ZDHHC17: variants seen among roughly 807,000 people sequenced by gnomAD.
ZDHHC17 encodes the protein zDHHC palmitoyltransferase 17, also known as palmitoyltransferase ZDHHC17.
A neutral mutation model predicts 90.3 loss-of-function variants in ZDHHC17; 40 were observed. That is an observed-to-expected ratio of 0.44 (90% CI 0.34 to 0.58). The LOEUF is 0.58. Among genes scored for constraint, ZDHHC17 ranks in the 20% least tolerant of loss-of-function variants. ZDHHC17 has a pLI of 0.01. For synonymous variants in ZDHHC17, 235 were observed against 252.4 expected, an observed-to-expected ratio of 0.93 and a Z score of 0.65; for missense variants, 614 against 780.8, an observed-to-expected ratio of 0.79 and a Z score of 2.55.
At chr12:76,842,133 G>T (rs1953442909) in intron 11 of ZDHHC17, 27 bp downstream of exon 11, 6 of 1,526,622 alleles carry the variant, frequency 3.9e-6, no homozygotes, top group Non-Finnish European at 4.4e-6. Flanking sequence ...TAAGTCACTT[G>T]TATTTAACTG....
chr12:76,849,078 G>T (rs1256931764), intron 15 of ZDHHC17, among the ~76,000 whole-genome samples: 3 of 126,910 alleles, frequency 2.4e-5, no homozygotes, highest in Non-Finnish European at 4.8e-5. Context: ...GAGCCCAGGA[G>T]TTTGAGATCA....
chr12:76,845,975 TAC>T (rs2137806556), intron 13 of ZDHHC17, among the ~76,000 whole-genome samples, 173 bp downstream of exon 13: 1 of 152,288 alleles, frequency 6.6e-6, no homozygotes, highest in African/African-American at 2.4e-5. Flanking sequence ...GGAAAAAAAT[TAC>T]AAAATTAGTG....
intron 1 of ZDHHC17, among the ~76,000 whole-genome samples, chr12:76,776,417 A>G (rs1019838766): frequency 6.6e-6 from 1 of 152,192 alleles, no homozygotes; most frequent in South Asian, 2.1e-4. Context: ...GGTAAATACT[A>G]CTTTAAAGTA....
intron 1 of ZDHHC17, among the ~76,000 whole-genome samples, chr12:76,782,499 A>G (rs1486981737): frequency 6.6e-6 from 1 of 152,158 alleles, no homozygotes; most frequent in East Asian, 1.9e-4. Flanking sequence ...AGTCAAGAGC[A>G]TTTCCTTTGG....
intron 1 of ZDHHC17, among the ~76,000 whole-genome samples, chr12:76,782,065 G>C (rs1303851315): frequency 6.6e-6 from 1 of 152,130 alleles, no homozygotes; most frequent in Non-Finnish European, 1.5e-5. Context: ...GCCATGATTT[G>C]TTCTGGAACT....
chr12:76,764,323 C>T lies in ZDHHC17; in HGVS notation c.87C>T (p.His29=), dbSNP rs754913402. ...AAGCGGGCTGTGTGCCCCTTCTCCA[C>T]CCAGAGGTGAGGAACCGTGCTGAGT... The part of the protein sequence containing the change: ...DTEAGCVPLL[H]PEEIKPQSHY... The change falls in exon 1 of 17, where the codon CAC becomes CAT. Residue 29 remains histidine, a synonymous_variant. Coordinates refer to ENST00000426126, the MANE Select transcript of ZDHHC17 (RefSeq NM_015336.4). 3.8e-6 allele frequency: 6 copies of T among 1,598,438 alleles called. No individual in the cohort carries two copies. The South Asian group carries it at 4.5e-5, about 12-fold the overall frequency.
At chr12:76,824,214 A>T (rs1459437768) in intron 8 of ZDHHC17, among the ~76,000 whole-genome samples, 8 of 152,172 alleles carry the variant, frequency 5.3e-5, no homozygotes, top group African/African-American at 9.6e-5. Flanking sequence ...ATGATTTTTT[A>T]AAAAGAACTT....
chr12:76,792,952 A>T (rs150441492), intron 1 of ZDHHC17, among the ~76,000 whole-genome samples: 1 of 152,328 alleles, frequency 6.6e-6, no homozygotes, highest in East Asian at 1.9e-4. Context: ...AGAAATCACC[A>T]ACTGACCTCT....
chr12:76,822,875 G>A (rs1051854410), intron 8 of ZDHHC17, among the ~76,000 whole-genome samples: 2 of 151,778 alleles, frequency 1.3e-5, no homozygotes, highest in Non-Finnish European at 1.5e-5. Context: ...GAAGATTTTC[G>A]ATATATAATT....
At chr12:76,817,353 A>G (rs779174658) in intron 7 of ZDHHC17, among the ~76,000 whole-genome samples, 6 of 151,972 alleles carry the variant, frequency 3.9e-5, no homozygotes, top group Admixed American at 6.6e-5. Context: ...ACTTTTTTTT[A>G]TCTTTGCTAC....
intron 2 of ZDHHC17, among the ~76,000 whole-genome samples, chr12:76,802,112 TTTG>T (rs1952898669): frequency 6.6e-6 from 1 of 152,242 alleles, no homozygotes; most frequent in South Asian, 2.1e-4. Context: ...GCAGGTCTCC[TTTG>T]TTCAATTCTT....
chr12:76,826,955 G>C lies in ZDHHC17; in HGVS notation c.945G>C (p.Trp315Cys). 1.3e-6 allele frequency: 2 copies of C among 1,535,790 alleles called. No individual in the cohort carries two copies. The highest frequency in any genetic ancestry group is 1.7e-6 in the Non-Finnish European group (2 of 1,153,172). ...TAGGAACTCCTTTCCTAGTTATTTG[G>C]CTGGTTGGGTTTATAGCAGACCTAA... ...VMLGTPFLVI[W>C]LVGFIADLNI... The change falls in exon 9 of 17, where the codon TGG (tryptophan) becomes TGC (cysteine). Residue 315 changes from tryptophan to cysteine, a missense_variant. By Grantham distance (215) the Trp-to-Cys change is radical. Transcript: ENST00000426126.
chr12:76,784,573 G>T (rs566796075), intron 1 of ZDHHC17, among the ~76,000 whole-genome samples: 1 of 152,116 alleles, frequency 6.6e-6, no homozygotes, highest in Non-Finnish European at 1.5e-5. Context: ...AATTGAACAG[G>T]GTGGAAGATT....
In ZDHHC17 at chr12:76,828,501, G is replaced by T. The variant is rs1209255869; in HGVS notation, c.1141+11G>T. The T allele has an allele frequency of 6.2e-7, 1 of 1,608,074 alleles. No homozygotes were observed. Among genetic ancestry groups the T allele is most frequent in the Admixed American group, 1.7e-5 (1 of 58,734 alleles). On this transcript the variant is annotated intron_variant, in intron 10 of 16. Transcript: ENST00000426126. ...TCTGGTTTTGGAATGATATCCTTTGGTTATAAAGATCATACCAAAAACAAA... is the reference window on the plus strand; with the variant it reads ...TCTGGTTTTGGAATGATATCCTTTGTTTATAAAGATCATACCAAAAACAAA...
intron 1 of ZDHHC17, among the ~76,000 whole-genome samples, chr12:76,784,942 AATGACAAC>A (rs1952668364): frequency 6.6e-6 from 1 of 152,236 alleles, no homozygotes; most frequent in African/African-American, 2.4e-5. Flanking sequence ...AATGCCAAAG[AATGACAAC>A]ATCTGCTTAT....
chr12:76,842,124 A>G lies in ZDHHC17; in HGVS notation c.1266+18A>G. ...AGAAAAAGGTAGCAAAATACCAACT[A>G]AGTCACTTGTATTTAACTGCCAGAT... is the stretch of plus-strand genomic sequence containing the variant. On this transcript the variant is annotated intron_variant, in intron 11 of 16. Transcript: ENST00000426126. 6.5e-7 allele frequency: 1 copy of G among 1,542,232 alleles called. No homozygotes were observed. The highest frequency in any genetic ancestry group is 8.7e-7 in the Non-Finnish European group (1 of 1,147,128).
intron 1 of ZDHHC17, among the ~76,000 whole-genome samples, chr12:76,765,111 T>C (rs1952416894): frequency 6.6e-6 from 1 of 152,236 alleles, no homozygotes; most frequent in Non-Finnish European, 1.5e-5. Flanking sequence ...GAAGCAATTC[T>C]TGATGCATTC....
chr12:76,765,367 A>G (rs12370145), intron 1 of ZDHHC17, among the ~76,000 whole-genome samples: 1,678 of 152,334 alleles, frequency 0.011, 10 homozygotes, highest in Non-Finnish European at 0.017. Flanking sequence ...GCATGTTAAC[A>G]CTCAACCACC....
chr12:76,785,717 A>G (rs1450398927), intron 1 of ZDHHC17, among the ~76,000 whole-genome samples: 2 of 152,196 alleles, frequency 1.3e-5, no homozygotes, highest in Non-Finnish European at 2.9e-5. Context: ...TGAGCCTGAG[A>G]TGGGATGTGT....
Sources: allele counts gnomAD v4.1 joint callset (sites outside exome capture counted in the v4.1 genomes callset), GRCh38; gene constraint gnomAD v4.1.1; transcripts MANE v1.5; gene names NCBI Gene and HGNC (gene_info 2026-07-23, HGNC 2026-07-21).